The following ADCY7 variants were observed in gnomAD, a reference collection of about 807,000 sequenced individuals.
ADCY7 encodes adenylate cyclase type 7.
A neutral mutation model predicts 120.6 loss-of-function variants in ADCY7; 72 were observed. The ratio of observed to expected loss-of-function variants is 0.60; its 90% CI spans 0.49 to 0.73. The LOEUF (loss-of-function observed/expected upper bound fraction) is 0.73. Ranked by LOEUF, ADCY7 falls within the 30% of genes least tolerant of loss-of-function variation. ADCY7 has a pLI of 0.00. For synonymous variants in ADCY7, 661 were observed against 628.0 expected (o/e 1.05, Z -0.78); for missense variants, 1,227 against 1,486.0 (o/e 0.83, Z 2.87).
At chr16:50,266,928 G>A (rs771123347) in intron 1 of ADCY7, among the ~76,000 whole-genome samples, 9 of 152,140 alleles carry the variant, frequency 5.9e-5, no homozygotes, top group Admixed American at 1.3e-4. Flanking sequence ...AAGAAAGTGC[G>A]GTTGTGACCA....
At chr16:50,280,908 C>T (rs1405507870) in intron 1 of ADCY7, among the ~76,000 whole-genome samples, 1 of 152,170 alleles carries the variant, frequency 6.6e-6, no homozygotes, top group Non-Finnish European at 1.5e-5. Context: ...GGTTTCTGGT[C>T]CCCAAGACTG....
chr16:50,245,100 T>C (rs2032540419), upstream of ADCY7, among the ~76,000 whole-genome samples: 2 of 152,242 alleles, frequency 1.3e-5, no homozygotes, highest in South Asian at 4.1e-4. Context: ...CACACCAAGA[T>C]CTCTCCCCTC....
chr16:50,277,266 T>A (rs779514641), intron 1 of ADCY7, among the ~76,000 whole-genome samples: 9 of 152,236 alleles, frequency 5.9e-5, no homozygotes, highest in Non-Finnish European at 1.3e-4. Context: ...CAATGACTAA[T>A]CTTGTACTTA....
At position 50,312,898 on chromosome 16, in the gene ADCY7, C is replaced by T. The variant is rs1300955875; in HGVS notation, c.2613C>T (p.Tyr871=). 2 of 1,614,126 alleles carry T rather than the reference C, an allele frequency of 1.2e-6. No individual in the cohort carries two copies. The highest frequency in any genetic ancestry group is 2.2e-5 in the South Asian group (2 of 91,080). The part of the protein sequence containing the change: ...FIGDKLNEDW[Y]HQSYDCVCVM... ...GGTTTCTTCCCATCCAGGACTGGTA[C>T]CATCAGTCCTATGACTGCGTCTGTG... is the stretch of plus-strand genomic sequence containing the variant. The change falls in exon 22 of 26, where the codon TAC becomes TAT. Residue 871 remains tyrosine, a synonymous_variant. Transcript: ENST00000673801.
intron 1 of ADCY7, among the ~76,000 whole-genome samples, chr16:50,255,040 T>C (rs926024976): frequency 2.0e-5 from 3 of 151,378 alleles, no homozygotes; most frequent in African/African-American, 7.3e-5. Context: ...AATTCTAGCA[T>C]TTTGGGAGGC....
At chr16:50,266,497 G>A (rs945065884), upstream of ADCY7, 15 of 164,814 alleles carry the variant, frequency 9.1e-5, no homozygotes, top group Admixed American at 4.5e-4. Context: ...TGCTGCCGCC[G>A]CCGCCGCTGC....
At chr16:50,265,898 G>T (rs2033192304), upstream of ADCY7, among the ~76,000 whole-genome samples, 1 of 152,222 alleles carries the variant, frequency 6.6e-6, no homozygotes, top group Non-Finnish European at 1.5e-5. Flanking sequence ...GATCCCAGTG[G>T]GGAAACTGAG....
At chr16:50,311,200 T>A (rs998156110) in intron 19 of ADCY7, among the ~76,000 whole-genome samples, 3 of 152,150 alleles carry the variant, frequency 2.0e-5, no homozygotes. Context: ...TGCTTCCATC[T>A]CTTCCTGGAC....
intron 1 of ADCY7, among the ~76,000 whole-genome samples, chr16:50,253,549 C>A (rs2032821340): frequency 6.6e-6 from 1 of 152,166 alleles, no homozygotes; most frequent in African/African-American, 2.4e-5. Context: ...CCACCGCACC[C>A]AGCCAAAAAT....
intron 11 of ADCY7, 99 bp downstream of exon 11, chr16:50,304,650 C>T: frequency 6.2e-6 from 8 of 1,281,100 alleles, no homozygotes; most frequent in Non-Finnish European, 7.6e-6. Context: ...GCCTCACTGT[C>T]CCCATCTGTA....
In ADCY7 at chr16:50,314,029, A is replaced by G. The variant is rs1427801295; in HGVS notation, c.2823A>G (p.Ala941=). The G allele has an allele frequency of 6.2e-7, 1 of 1,614,192 alleles. No individual in the cohort carries two copies. Among genetic ancestry groups the G allele is most frequent in the South Asian group, 1.1e-5 (1 of 91,070 alleles). ...KTIGSTYMAA[A]GLSVASGHEN... ...TCGGCAGCACGTACATGGCAGCTGC[A>G]GGGCTCAGCGTCGCCTCAGGGCACG... Residue 941 remains alanine (A), a synonymous_variant, in exon 23 of 26, where the codon GCA becomes GCG. Coordinates refer to ENST00000673801, the MANE Select transcript of ADCY7 (RefSeq NM_001114.5).
chr16:50,273,525 G>A (rs930722531), intron 1 of ADCY7, among the ~76,000 whole-genome samples: 2 of 152,262 alleles, frequency 1.3e-5, no homozygotes, highest in Non-Finnish European at 2.9e-5. Flanking sequence ...GCACTTGGCA[G>A]ATGGGGGTCT....
chr16:50,291,697 G>A, intron 3 of ADCY7, 39 bp from the exon 4 acceptor site: 2 of 1,612,678 alleles, frequency 1.2e-6, no homozygotes, highest in Non-Finnish European at 8.5e-7. Flanking sequence ...GCCTGGGGCA[G>A]CATCTTGGGG....
At chr16:50,310,633 G>A (rs2036395056) in intron 18 of ADCY7, 54 bp from the exon 19 acceptor site, 12 of 1,605,774 alleles carry the variant, frequency 7.5e-6, no homozygotes, top group Non-Finnish European at 1.0e-5. Flanking sequence ...CTGGGCTGGA[G>A]GCGAGAGTAC....
chr16:50,278,351 T>G lies in ADCY7; in HGVS notation c.-268-9561T>G, dbSNP rs181311238. On this transcript the variant is annotated intron_variant, in intron 1 of 25. Transcript: ENST00000673801. ...CCACCATGCCTGGCCCTTCCAAATGTTTAACAGTCATTTAGATTGCCTTTT... is the reference window on the plus strand; with the variant it reads ...CCACCATGCCTGGCCCTTCCAAATGGTTAACAGTCATTTAGATTGCCTTTT... 8.4e-3 allele frequency among the ~76,000 whole-genome samples: 1,282 copies of G among 152,326 alleles called. 3 individuals are homozygous for G. The highest frequency in any genetic ancestry group is 0.014 in the Non-Finnish European group (928 of 68,028).
intron 10 of ADCY7, among the ~76,000 whole-genome samples, chr16:50,304,011 C>T (rs890112595): frequency 1.3e-5 from 2 of 151,998 alleles, no homozygotes; most frequent in African/African-American, 2.4e-5. Context: ...AGTGGGGCCT[C>T]GGGCTTGGGA....
In ADCY7 at chr16:50,307,067, C is replaced by A. The variant is rs772324368; in HGVS notation, c.1770C>A (p.Ile590=). The A allele has an allele frequency of 1.9e-6, 3 of 1,608,732 alleles. No individual in the cohort carries two copies. The Admixed American group carries it at 5.0e-5, about 27-fold the overall frequency. ...GCCCCCAGTACCGCCTGGCACCCAT[C>A]CCCCGGGCCCGCCACGACTTTGCCT... The part of the protein sequence containing the change: ...GFEREYRLAP[I]PRARHDFACA... The change falls in exon 15 of 26, where the codon ATC becomes ATA. Residue 590 remains isoleucine, a synonymous_variant. Coordinates refer to ENST00000673801, the MANE Select transcript of ADCY7 (RefSeq NM_001114.5).
At chr16:50,310,608 G>A (rs1397488247) in intron 18 of ADCY7, 79 bp from the exon 19 acceptor site, 3 of 1,602,042 alleles carry the variant, frequency 1.9e-6, no homozygotes, top group Non-Finnish European at 8.5e-7. Flanking sequence ...AGGGAGTGGG[G>A]CTCTGTGGTA....
At chr16:50,267,033 A>C (rs1195279505) in intron 1 of ADCY7, among the ~76,000 whole-genome samples, 2 of 152,238 alleles carry the variant, frequency 1.3e-5, no homozygotes, top group African/African-American at 4.8e-5. Context: ...TTTTACATTT[A>C]CAAGCACACA....
Sources: allele counts gnomAD v4.1 joint callset (sites outside exome capture counted in the v4.1 genomes callset), GRCh38; gene constraint gnomAD v4.1.1; transcripts MANE v1.5; gene names NCBI Gene and HGNC (gene_info 2026-07-23, HGNC 2026-07-21).